SAMD12: variants seen among roughly 807,000 people sequenced by gnomAD.
The protein encoded by SAMD12 is sterile alpha motif domain-containing protein 12.
Under a neutral mutation model 15.0 loss-of-function variants are expected in SAMD12, and 9 were observed. That is an observed-to-expected ratio of 0.60 (90% CI 0.36 to 1.05). The LOEUF is 1.05. Ranked by LOEUF, SAMD12 falls within the 50% of genes least tolerant of loss-of-function variation. The pLI is 0.01. For missense variants in SAMD12, 230 were observed against 234.2 expected (o/e 0.98, Z 0.12); for synonymous variants, 86 against 90.1 (o/e 0.96, Z 0.25).
intron 1 of SAMD12, among the ~76,000 whole-genome samples, chr8:118,619,876 C>A (rs1460771910): frequency 1.3e-5 from 2 of 152,092 alleles, no homozygotes; most frequent in Non-Finnish European, 2.9e-5. Context: ...GTAGGAGTAA[C>A]CAGGAAGGGA....
intron 4 of SAMD12, among the ~76,000 whole-genome samples, chr8:118,255,407 GGTTA>G (rs1223916779): frequency 5.9e-5 from 9 of 151,586 alleles, no homozygotes; most frequent in Admixed American, 1.3e-4. Flanking sequence ...ACAACGTGCA[GGTTA>G]GTTACATATG....
At chr8:118,373,937 A>AT (rs1251698719), downstream of SAMD12, among the ~76,000 whole-genome samples, 2 of 152,196 alleles carry the variant, frequency 1.3e-5, no homozygotes, top group East Asian at 1.9e-4. Context: ...AAAAGCTTGC[A>AT]TTTTTTTACT....
the SAMD12 span, among the ~76,000 whole-genome samples, chr8:118,182,757 T>C: frequency 6.6e-6 from 1 of 151,900 alleles, no homozygotes; most frequent in Non-Finnish European, 1.5e-5. Context: ...CAAAAAAGGG[T>C]GTTTAAAATT....
Position 118,523,150 on chromosome 8 carries a change from G to A in SAMD12, c.192+57565C>T, listed in dbSNP as rs749566058. On this transcript the variant is annotated intron_variant, in intron 2 of 3. Coordinates refer to ENST00000314727, the MANE Select transcript of SAMD12 (RefSeq NM_207506.3). ...CATGTGTGCACTGTGATGCACAAAA[G>A]TTTGAAAATTAGCTCTGGGAGTCAC... Among the ~76,000 whole-genome samples, 124 of 152,186 alleles carry A rather than the reference G, an allele frequency of 8.1e-4. 1 individual carries two copies. The highest frequency in any genetic ancestry group is 4.9e-4 in the Non-Finnish European group (33 of 68,028).
intron 2 of SAMD12, among the ~76,000 whole-genome samples, chr8:118,543,291 C>A (rs1344852634): frequency 6.6e-6 from 1 of 152,194 alleles, no homozygotes; most frequent in African/African-American, 2.4e-5. Context: ...AATTAAACCT[C>A]TTTGTGTACA....
the SAMD12 span, among the ~76,000 whole-genome samples, chr8:118,178,697 C>G: frequency 1.3e-5 from 2 of 151,964 alleles, no homozygotes; most frequent in African/African-American, 4.8e-5. Flanking sequence ...AACTCTTGAC[C>G]TCAGGTGATC....
chr8:118,229,853 C>T (rs1000595799), intron 4 of SAMD12, among the ~76,000 whole-genome samples: 18 of 152,124 alleles, frequency 1.2e-4, no homozygotes, highest in African/African-American at 4.1e-4. Flanking sequence ...GAGTGCCATC[C>T]GAAGTTCAGA....
intron 4 of SAMD12, among the ~76,000 whole-genome samples, chr8:118,213,927 T>A (rs1431411948): frequency 6.6e-6 from 1 of 152,080 alleles, no homozygotes; most frequent in Non-Finnish European, 1.5e-5. Flanking sequence ...AAAAAAACAT[T>A]CAAGAGAAAA....
At chr8:118,149,781 A>AT in the SAMD12 span, among the ~76,000 whole-genome samples, 6 of 151,848 alleles carry the variant, frequency 4.0e-5, no homozygotes, top group Admixed American at 2.6e-4. Context: ...TATTTTTTTA[A>AT]TTTTTTTGCA....
intron 3 of SAMD12, among the ~76,000 whole-genome samples, chr8:118,402,709 T>C (rs1019997559): frequency 2.0e-5 from 3 of 152,200 alleles, no homozygotes; most frequent in African/African-American, 7.2e-5. Context: ...GGAGGAGATA[T>C]GGCAGAAGGA....
chr8:118,442,673 G>A (rs751015023), intron 2 of SAMD12, among the ~76,000 whole-genome samples: 5 of 152,180 alleles, frequency 3.3e-5, no homozygotes, highest in African/African-American at 4.8e-5. Flanking sequence ...TCACAAGTCA[G>A]CACCTCTGAA....
At chr8:118,580,221 A>G (rs1012359697) in intron 2 of SAMD12, among the ~76,000 whole-genome samples, 1 of 152,224 alleles carries the variant, frequency 6.6e-6, no homozygotes, top group African/African-American at 2.4e-5. Flanking sequence ...TTAATAAAAT[A>G]TCAGCTATTA....
At chr8:118,301,197 A>G (rs1037335853) in intron 4 of SAMD12, among the ~76,000 whole-genome samples, 2 of 152,220 alleles carry the variant, frequency 1.3e-5, no homozygotes, top group African/African-American at 2.4e-5. Flanking sequence ...TGCAAAGAGC[A>G]AAAGGTGGTG....
At chr8:118,158,722 C>A in the SAMD12 span, among the ~76,000 whole-genome samples, 2 of 152,174 alleles carry the variant, frequency 1.3e-5, no homozygotes, top group African/African-American at 2.4e-5. Flanking sequence ...GCCCATGGAC[C>A]AATCAGCATG....
intron 4 of SAMD12, among the ~76,000 whole-genome samples, chr8:118,226,228 C>T (rs1812185846): frequency 6.6e-6 from 1 of 152,154 alleles, no homozygotes; most frequent in Non-Finnish European, 1.5e-5. Context: ...AGCAAGAAAT[C>T]ATACACTCAA....
chr8:118,421,514 C>A (rs1821994154), intron 3 of SAMD12, among the ~76,000 whole-genome samples: 1 of 152,140 alleles, frequency 6.6e-6, no homozygotes, highest in South Asian at 2.1e-4. Context: ...GGCTGGAAAC[C>A]AAAATCTATT....
chr8:118,499,503 A>G (rs1824717121), intron 2 of SAMD12, among the ~76,000 whole-genome samples: 1 of 152,232 alleles, frequency 6.6e-6, no homozygotes, highest in Non-Finnish European at 1.5e-5. Flanking sequence ...CCAAAGTTAC[A>G]TGGTAATAAT....
intron 3 of SAMD12, among the ~76,000 whole-genome samples, chr8:118,406,690 A>T (rs1045368046): frequency 6.6e-6 from 1 of 152,152 alleles, no homozygotes; most frequent in African/African-American, 2.4e-5. Context: ...CCACTGGATA[A>T]CAACTCCCTA....
At chr8:118,285,259 C>T (rs2037379582) in intron 4 of SAMD12, among the ~76,000 whole-genome samples, 1 of 152,138 alleles carries the variant, frequency 6.6e-6, no homozygotes, top group African/African-American at 2.4e-5. Context: ...ACCCACACTG[C>T]ACAGTGGGTA....
Sources: allele counts gnomAD v4.1 joint callset (sites outside exome capture counted in the v4.1 genomes callset), GRCh38; gene constraint gnomAD v4.1.1; transcripts MANE v1.5; gene names NCBI Gene and HGNC (gene_info 2026-07-23, HGNC 2026-07-21).